Variants in PLEKHG1 observed in about 807,000 individuals in gnomAD.
PLEKHG1 encodes pleckstrin homology domain-containing family G member 1.
Under a neutral mutation model 100.8 loss-of-function variants are expected in PLEKHG1, and 44 were observed. That is an observed-to-expected ratio of 0.44 (90% CI 0.34 to 0.56). The LOEUF (loss-of-function observed/expected upper bound fraction) is 0.56. Ranked by LOEUF, PLEKHG1 falls within the 20% of genes least tolerant of loss-of-function variation. PLEKHG1 has a pLI of 0.01. For missense variants in PLEKHG1, 1,545 were observed against 1,720.9 expected, an observed-to-expected ratio of 0.90 and a Z score of 1.81; for synonymous variants, 640 against 662.5, an observed-to-expected ratio of 0.97 and a Z score of 0.52.
intron 2 of PLEKHG1, among the ~76,000 whole-genome samples, chr6:150,738,163 G>A (rs753483755): frequency 2.0e-5 from 3 of 152,026 alleles, no homozygotes; most frequent in South Asian, 2.1e-4. Context: ...AAAGAAGCTC[G>A]TCTAATTGAA....
intron 2 of PLEKHG1, among the ~76,000 whole-genome samples, chr6:150,763,563 G>A (rs1185079115): frequency 6.6e-6 from 1 of 152,168 alleles, no homozygotes; most frequent in Non-Finnish European, 1.5e-5. Flanking sequence ...ATCTTGGCTT[G>A]AAGAAGTCCA....
At chr6:150,798,275 T>C (rs1583152467) in intron 5 of PLEKHG1, among the ~76,000 whole-genome samples, 2 of 152,158 alleles carry the variant, frequency 1.3e-5, no homozygotes, top group Non-Finnish European at 2.9e-5. Context: ...TGAAGAATCA[T>C]CAAAGTTCCA....
intron 1 of PLEKHG1, among the ~76,000 whole-genome samples, chr6:150,614,315 G>A (rs1309727329): frequency 3.9e-5 from 6 of 152,144 alleles, no homozygotes; most frequent in Non-Finnish European, 5.9e-5. Flanking sequence ...GGCAATGAAG[G>A]TCACGTAGTT....
At chr6:150,677,598 A>C (rs753451490) in intron 3 of PLEKHG1, among the ~76,000 whole-genome samples, 11 of 152,116 alleles carry the variant, frequency 7.2e-5, no homozygotes, top group Non-Finnish European at 1.3e-4. Flanking sequence ...CCTGATACAT[A>C]CCCCTCATGT....
chr6:150,793,042 A>G (rs987476682), intron 4 of PLEKHG1, among the ~76,000 whole-genome samples: 13 of 152,340 alleles, frequency 8.5e-5, no homozygotes, highest in Admixed American at 6.5e-4. Context: ...ATTTGCAGTG[A>G]TATTAAAACA....
At chr6:150,698,689 T>C (rs2128597366) in intron 3 of PLEKHG1, among the ~76,000 whole-genome samples, 1 of 152,332 alleles carries the variant, frequency 6.6e-6, no homozygotes, top group East Asian at 1.9e-4. Context: ...GCTCTCCTTG[T>C]GTGTTCTTTT....
chr6:150,724,496 A>G (rs1187987091), intron 1 of PLEKHG1, among the ~76,000 whole-genome samples: 2 of 152,174 alleles, frequency 1.3e-5, no homozygotes, highest in Non-Finnish European at 2.9e-5. Context: ...CAACAAAAGT[A>G]AAAACAGCTG....
At chr6:150,767,208 CTTT>C (rs888231664) in intron 2 of PLEKHG1, among the ~76,000 whole-genome samples, 1 of 149,562 alleles carries the variant, frequency 6.7e-6, no homozygotes, top group African/African-American at 2.6e-5. Flanking sequence ...ATTTGTTTTT[CTTT>C]TTTGGGCCTT....
exon 16 of PLEKHG1, chr6:150,840,825 C>T: frequency 6.2e-7 from 1 of 1,614,096 alleles, no homozygotes. Flanking sequence ...GGGGCCATCT[C>T]CCAATCAACA....
At chr6:150,626,931 G>A (rs1031723958) in intron 1 of PLEKHG1, among the ~76,000 whole-genome samples, 1 of 152,172 alleles carries the variant, frequency 6.6e-6, no homozygotes, top group African/African-American at 2.4e-5. Context: ...AGTAAACTCA[G>A]GAAAGCTTGT....
chr6:150,799,901 G>A (rs374181177), intron 5 of PLEKHG1, among the ~76,000 whole-genome samples: 22 of 152,198 alleles, frequency 1.4e-4, no homozygotes, highest in East Asian at 3.9e-4. Flanking sequence ...TAATTTACAC[G>A]CGTGTGACTG....
At chr6:150,810,938 A>G (rs973783308) in intron 10 of PLEKHG1, among the ~76,000 whole-genome samples, 37 of 151,912 alleles carry the variant, frequency 2.4e-4, no homozygotes, top group Non-Finnish European at 2.9e-5. Context: ...AAAAAAAAAG[A>G]TTCACATGAA....
intron 1 of PLEKHG1, among the ~76,000 whole-genome samples, chr6:150,612,276 A>AT (rs2128553752): frequency 6.6e-6 from 1 of 152,308 alleles, no homozygotes; most frequent in South Asian, 2.1e-4. Flanking sequence ...ATATATTAAT[A>AT]ACTAGAACAC....
intron 2 of PLEKHG1, among the ~76,000 whole-genome samples, chr6:150,646,502 G>C (rs1778506631): frequency 6.6e-6 from 1 of 152,000 alleles, no homozygotes; most frequent in Admixed American, 6.6e-5. Flanking sequence ...TGGATGTCAG[G>C]CTTCAAAACC....
At chr6:150,721,107 C>CT (rs1781651795) in exon 1 of PLEKHG1, 1 of 977,344 alleles carries the variant, frequency 1.0e-6, no homozygotes, top group Admixed American at 6.2e-5. Flanking sequence ...ACGGAAGGCG[C>CT]TGCACAGACT....
At chr6:150,804,574 GAA>G (rs549474947) in intron 6 of PLEKHG1, 34 bp from the exon 8 acceptor site, 46 of 1,152,104 alleles carry the variant, frequency 4.0e-5, no homozygotes, top group East Asian at 6.0e-5. Flanking sequence ...AAAATAAAAT[GAA>G]AAAAAAAAAA....
intron 2 of PLEKHG1, among the ~76,000 whole-genome samples, chr6:150,747,273 A>G (rs1783213715): frequency 1.3e-5 from 2 of 152,346 alleles, no homozygotes; most frequent in South Asian, 4.1e-4. Flanking sequence ...ATTTCTTCCA[A>G]AGTGAAGTGT....
chr6:150,827,235 G>A (rs531142235), intron 14 of PLEKHG1, among the ~76,000 whole-genome samples: 16 of 149,714 alleles, frequency 1.1e-4, no homozygotes, highest in African/African-American at 3.9e-4. Flanking sequence ...TTTTCTTAAT[G>A]ATTAATTTGA....
chr6:150,694,515 C>T (rs1780469370), intron 3 of PLEKHG1, among the ~76,000 whole-genome samples: 1 of 151,956 alleles, frequency 6.6e-6, no homozygotes, highest in African/African-American at 2.4e-5. Context: ...GCCTTGTCAA[C>T]ATGGTGAAAC....
Sources: gnomAD v4.1 joint callset for allele counts (sites outside exome capture counted in the v4.1 genomes callset) on GRCh38, gnomAD v4.1.1 for gene constraint, MANE v1.5 for transcripts, NCBI Gene and HGNC (gene_info 2026-07-23, HGNC 2026-07-21) for gene names.